MTBP: variants seen among roughly 807,000 people sequenced by gnomAD.
MTBP encodes the protein mdm2-binding protein.
In MTBP, 101 loss-of-function variants were observed where a neutral mutation model predicts 117.0. The ratio of observed to expected loss-of-function variants is 0.86; its 90% CI spans 0.73 to 1.02. The LOEUF (loss-of-function observed/expected upper bound fraction) is 1.02. Ranked by LOEUF, MTBP falls within the 50% of genes least tolerant of loss-of-function variation. The probability of loss-of-function intolerance (pLI) is 0.00; values close to 1 mark genes in which losing one functional copy is unlikely to be tolerated. For synonymous variants in MTBP, 350 were observed against 351.5 expected (o/e 1.00, Z 0.05); for missense variants, 970 against 1,030.9 (o/e 0.94, Z 0.81).
intron 11 of MTBP, among the ~76,000 whole-genome samples, chr8:120,485,849 G>A (rs947429603): frequency 5.3e-5 from 8 of 151,998 alleles, no homozygotes; most frequent in South Asian, 2.1e-4. Flanking sequence ...GTTTGACTTC[G>A]GTGTCACTCT....
intron 20 of MTBP, 126 bp downstream of exon 20, chr8:120,518,943 T>A (rs1814968335): frequency 1.7e-6 from 1 of 577,428 alleles, no homozygotes; most frequent in South Asian, 2.6e-5. Flanking sequence ...TATTAAATGA[T>A]GGAGATAGAA....
At chr8:120,507,517 A>G (rs1400616916) in intron 16 of MTBP, among the ~76,000 whole-genome samples, 1 of 152,140 alleles carries the variant, frequency 6.6e-6, no homozygotes, top group Non-Finnish European at 1.5e-5. Context: ...TGTCTTTTTA[A>G]TTGTTAATTC....
At chr8:120,449,827 T>A (rs1813300977) in intron 2 of MTBP, among the ~76,000 whole-genome samples, 1 of 152,090 alleles carries the variant, frequency 6.6e-6, no homozygotes. Flanking sequence ...AACCGCTAGA[T>A]TTAGTAACAA....
intron 11 of MTBP, 41 bp downstream of exon 11, chr8:120,470,978 A>G (rs1813805265): frequency 1.5e-6 from 2 of 1,299,700 alleles, no homozygotes; most frequent in African/African-American, 2.9e-5. Flanking sequence ...GATGCAGCAT[A>G]GTTAATGTAT....
intron 20 of MTBP, among the ~76,000 whole-genome samples, chr8:120,521,569 A>G (rs1251648419): frequency 2.0e-5 from 3 of 152,228 alleles, no homozygotes; most frequent in African/African-American, 7.2e-5. Context: ...AGTTAGAAAC[A>G]TTAAGGTATA....
intron 13 of MTBP, among the ~76,000 whole-genome samples, chr8:120,495,961 C>T (rs1245311242): frequency 2.0e-5 from 3 of 152,116 alleles, no homozygotes; most frequent in African/African-American, 7.2e-5. Flanking sequence ...ATACCCACTT[C>T]TCCCCCCCAA....
intron 17 of MTBP, among the ~76,000 whole-genome samples, chr8:120,515,393 G>C (rs771739432): frequency 1.3e-5 from 2 of 151,986 alleles, no homozygotes; most frequent in Non-Finnish European, 2.9e-5. Flanking sequence ...ACAGACAGCC[G>C]AAGTGTTTGA....
chr8:120,490,440 CTT>C (rs765099676), intron 12 of MTBP, 21 bp from the exon 13 acceptor site: 2 of 1,321,510 alleles, frequency 1.5e-6, no homozygotes, highest in South Asian at 1.3e-5. Context: ...TAATGTTGAC[CTT>C]TTTTTTTTCT....
At chr8:120,473,072 A>G (rs928828242) in intron 11 of MTBP, 2 of 152,194 alleles carry the variant, frequency 1.3e-5, no homozygotes, top group African/African-American at 4.8e-5. Flanking sequence ...TAGGAGTTGT[A>G]TATAACTTCT....
intron 19 of MTBP, 83 bp from the exon 20 acceptor site, chr8:120,518,621 T>A: frequency 1.2e-6 from 1 of 838,278 alleles, no homozygotes; most frequent in Non-Finnish European, 1.9e-6. Flanking sequence ...AATGTGTAAT[T>A]CACAGGATTG....
chr8:120,523,173 A>G, intron 21 of MTBP, 125 bp from the exon 22 acceptor site: 2 of 679,074 alleles, frequency 2.9e-6, no homozygotes, highest in South Asian at 3.9e-5. Context: ...TAAGTATAAG[A>G]TTTCAGTATC....
chr8:120,487,065 C>A (rs1814236869), intron 11 of MTBP, among the ~76,000 whole-genome samples: 1 of 152,068 alleles, frequency 6.6e-6, no homozygotes, highest in Non-Finnish European at 1.5e-5. Flanking sequence ...ACTTTGATTC[C>A]CTGATAATCA....
chr8:120,499,656 G>A (rs1336393419), intron 14 of MTBP, among the ~76,000 whole-genome samples: 2 of 152,120 alleles, frequency 1.3e-5, no homozygotes, highest in African/African-American at 2.4e-5. Flanking sequence ...TGCATATTAG[G>A]AGTTATTAAT....
At chr8:120,506,329 G>C (rs996584918) in intron 15 of MTBP, among the ~76,000 whole-genome samples, 2 of 151,902 alleles carry the variant, frequency 1.3e-5, no homozygotes, top group African/African-American at 4.8e-5. Flanking sequence ...AGTATTGTGG[G>C]GTTTCAGAAC....
At chr8:120,447,898 G>T (rs73315165) in intron 2 of MTBP, among the ~76,000 whole-genome samples, 11,714 of 151,292 alleles carry the variant, frequency 0.077, 654 homozygotes, top group East Asian at 0.19. Flanking sequence ...TATTCCAGTT[G>T]TATCAACTTC....
rs558828538 is a variant in MTBP at position 120,523,623 on chromosome 8, A to AT, written c.*299dup. ...TTATTTAATTATTACAATAAACAGA[A>AT]TTTTTTTTTTTTACTTTTTGGATTT... On this transcript the variant is annotated 3_prime_UTR_variant, in exon 22 of 22. Transcript: ENST00000305949. The AT allele has an allele frequency of 3.0e-3, 480 of 162,576 alleles. No individual in the cohort carries two copies. The highest frequency in any genetic ancestry group is 6.7e-3 in the East Asian group (43 of 6,436). The allele number at this position is 162,576 out of a possible 1,614,324, so 10.1% of individuals were successfully genotyped here.
At chr8:120,460,766 A>T (rs1029098397) in intron 8 of MTBP, among the ~76,000 whole-genome samples, 12 of 151,178 alleles carry the variant, frequency 7.9e-5, no homozygotes, top group Non-Finnish European at 1.2e-4. Context: ...CTTTTCTTTC[A>T]CTTTTTTAGT....
In MTBP at chr8:120,499,954, A is replaced by G. The variant is rs1376163457; in HGVS notation, c.1609+2400A>G. Reference sequence around the variant, plus strand: ...ATTTTATTACTTCAAACACTTAAAAAGGATCTTCTGGCATTTATTTATAAT... The same window carrying G: ...ATTTTATTACTTCAAACACTTAAAAGGGATCTTCTGGCATTTATTTATAAT... On this transcript the variant is annotated intron_variant, in intron 14 of 21. Transcript: ENST00000305949. Among the ~76,000 whole-genome samples, 3 of 152,226 alleles carry G rather than the reference A, an allele frequency of 2.0e-5. No individual in the cohort carries two copies. The East Asian group carries it at 5.8e-4, about 29-fold the overall frequency.
Position 120,517,951 on chromosome 8 carries a change from C to G in MTBP, c.2347C>G (p.Arg783Gly). 1 of 1,612,454 alleles carries G rather than the reference C, an allele frequency of 6.2e-7. No homozygotes were observed. Among genetic ancestry groups the G allele is most frequent in the Non-Finnish European group, 8.5e-7 (1 of 1,178,866 alleles). ...GACATCCAGAAAGCCACAAACAGAA[C>G]GGTCCTTACCAGTGACTTGTCCATT... ...HVTSRKPQTE[R>G]SLPVTCPLVP... Residue 783 changes from arginine (R) to glycine (G), a missense_variant, in exon 19 of 22, where the codon CGG becomes GGG. Physicochemically the swap from Arg to Gly is moderately radical, Grantham distance 125. Coordinates refer to ENST00000305949, the MANE Select transcript of MTBP (RefSeq NM_022045.5).
Sources: allele counts gnomAD v4.1 joint callset (sites outside exome capture counted in the v4.1 genomes callset), GRCh38; gene constraint gnomAD v4.1.1; transcripts MANE v1.5; gene names NCBI Gene and HGNC (gene_info 2026-07-23, HGNC 2026-07-21).